RAB22A: variants seen among roughly 807,000 people sequenced by gnomAD.
RAB22A encodes the protein RAB22A, member RAS oncogene family, also known as ras-related protein Rab-22A.
RAB22A carries 13 observed loss-of-function variants against 30.2 expected under a neutral mutation model. The observed-to-expected ratio is 0.43, with a 90% confidence interval of 0.28 to 0.68. The LOEUF (loss-of-function observed/expected upper bound fraction) is 0.68. Ranked by LOEUF, RAB22A falls within the 30% of genes least tolerant of loss-of-function variation. The pLI is 0.18. For missense variants in RAB22A, 177 were observed against 246.8 expected (o/e 0.72, Z 1.89); for synonymous variants, 89 against 87.2 (o/e 1.02, Z -0.11).
chr20:58,359,594 A>G lies in RAB22A; in HGVS notation c.488-12A>G. On this transcript the variant is annotated splice_polypyrimidine_tract_variant and intron_variant, in intron 6 of 6. Coordinates refer to ENST00000244040, the MANE Select transcript of RAB22A (RefSeq NM_020673.3). ...AAAGCTCACTCCCTTCCCTTTTCTCATCTTGGTTTAGGTCGAAGAATTCCA... is the reference window on the plus strand; with the variant it reads ...AAAGCTCACTCCCTTCCCTTTTCTCGTCTTGGTTTAGGTCGAAGAATTCCA... 1 of 1,578,846 alleles carries G rather than the reference A, an allele frequency of 6.3e-7. No individual in the cohort carries two copies. The highest frequency in any genetic ancestry group is 8.7e-7 in the Non-Finnish European group (1 of 1,154,664).
intron 2 of RAB22A, among the ~76,000 whole-genome samples, chr20:58,329,115 G>A (rs1409068693): frequency 7.3e-5 from 11 of 150,332 alleles, no homozygotes; most frequent in Admixed American, 1.3e-4. Flanking sequence ...GTGCAGTGGC[G>A]CTATCTCGGC....
chr20:58,341,911 C>T (rs1364418971), intron 2 of RAB22A, among the ~76,000 whole-genome samples: 1 of 152,118 alleles, frequency 6.6e-6, no homozygotes, highest in African/African-American at 2.4e-5. Context: ...TGTTGGATGC[C>T]TGTTGTCACT....
intron 3 of RAB22A, among the ~76,000 whole-genome samples, chr20:58,346,984 G>C (rs1348591495): frequency 1.3e-5 from 2 of 152,158 alleles, no homozygotes; most frequent in African/African-American, 4.8e-5. Flanking sequence ...ATGCCCATAG[G>C]TTTATGTCTA....
At chr20:58,335,011 A>C (rs1206486832) in intron 2 of RAB22A, among the ~76,000 whole-genome samples, 1 of 152,234 alleles carries the variant, frequency 6.6e-6, no homozygotes, top group Non-Finnish European at 1.5e-5. Context: ...AACTTGAAAC[A>C]ACTTAAATCT....
In RAB22A at chr20:58,363,098, G is replaced by A. The variant is rs1225986550; in HGVS notation, c.*3395G>A. ...AAAATATCCTTTAGCTAACTTTCCT[G>A]TAACTGTCAAACCAAAATGTCAGTA... On this transcript the variant is annotated 3_prime_UTR_variant, in exon 7 of 7. Coordinates refer to ENST00000244040, the MANE Select transcript of RAB22A (RefSeq NM_020673.3). 3 of 152,180 alleles carry A rather than the reference G, an allele frequency of 2.0e-5. No individual in the cohort carries two copies. The highest frequency in any genetic ancestry group is 7.2e-5 in the African/African-American group (3 of 41,432). 9.4% of individuals were successfully genotyped at this position (152,180 alleles called of 1,614,324 possible).
At chr20:58,331,575 G>C (rs542566464) in intron 2 of RAB22A, among the ~76,000 whole-genome samples, 1 of 152,180 alleles carries the variant, frequency 6.6e-6, no homozygotes, top group East Asian at 1.9e-4. Flanking sequence ...CACCATTGTT[G>C]TAGAGTTTGA....
At chr20:58,353,584 T>C in intron 5 of RAB22A, 46 bp downstream of exon 5, 9 of 1,408,248 alleles carry the variant, frequency 6.4e-6, no homozygotes, top group Non-Finnish European at 9.0e-6. Context: ...ATGTGTTCCT[T>C]TTCTTAATAA....
At chr20:58,333,313 C>T (rs6026204) in intron 2 of RAB22A, among the ~76,000 whole-genome samples, 1,068 of 86,740 alleles carry the variant, frequency 0.012, 11 homozygotes, top group South Asian at 0.051. Flanking sequence ...AAATAAATCC[C>T]GCCAGCTAAT....
chr20:58,312,613 C>G (rs859490), intron 2 of RAB22A, among the ~76,000 whole-genome samples: 75,491 of 149,778 alleles, frequency 0.5, 20,087 homozygotes, highest in African/African-American at 0.67. Flanking sequence ...CTCAGCCTCC[C>G]GAGTAGCTGG....
At position 58,359,610 on chromosome 20, in the gene RAB22A, A is replaced by C. The variant is rs1474207978; in HGVS notation, c.492A>C (p.Arg164=). Residue 164 remains arginine (R), a synonymous_variant, in exon 7 of 7, where the codon CGA becomes CGC. Coordinates refer to ENST00000244040, the MANE Select transcript of RAB22A (RefSeq NM_020673.3). ...NINELFIEIS[R]RIPSTDANLP... ...CCTTTTCTCATCTTGGTTTAGGTCG[A>C]AGAATTCCATCCACTGACGCCAACC... The C allele has an allele frequency of 1.9e-6, 3 of 1,606,628 alleles. No individual in the cohort carries two copies. In the South Asian group the frequency reaches 3.3e-5, roughly 18 times the overall value.
At position 58,362,370 on chromosome 20, in the gene RAB22A, T is replaced by C. The variant is rs1568684378; in HGVS notation, c.*2667T>C. 6.6e-6 allele frequency: 1 copy of C among 152,246 alleles called. No homozygotes were observed. The highest frequency in any genetic ancestry group is 1.5e-5 in the Non-Finnish European group (1 of 68,044). The allele number at this position is 152,246 out of a possible 1,614,324, so 9.4% of individuals were successfully genotyped here. A position where few individuals can be genotyped will look rare whatever the true frequency, so the allele number is the denominator to read the frequency against. On this transcript the variant is annotated 3_prime_UTR_variant, in exon 7 of 7. Transcript: ENST00000244040. ...GATCTAATACACATTTCATATTTTC[T>C]TTATAATAATTTCTTATGGAGAAGA...
At position 58,363,732 on chromosome 20, in the gene RAB22A, T is replaced by C; in HGVS notation, c.*4029T>C. On this transcript the variant is annotated 3_prime_UTR_variant, in exon 7 of 7. Transcript: ENST00000244040. ...GAATGTACCTTCAGGGGTCAAGCTG[T>C]TAACTGTATACCTGCCTCTAGTTAG... 6.6e-6 allele frequency: 1 copy of C among 152,258 alleles called. No individual in the cohort carries two copies. The highest frequency in any genetic ancestry group is 1.9e-4 in the East Asian group (1 of 5,206). The allele number at this position is 152,258 out of a possible 1,614,324, so 9.4% of individuals were successfully genotyped here.
chr20:58,312,063 C>G (rs1433774488), intron 2 of RAB22A, among the ~76,000 whole-genome samples: 1 of 152,126 alleles, frequency 6.6e-6, no homozygotes, highest in Non-Finnish European at 1.5e-5. Context: ...TCAAGCGATT[C>G]TCCTGCCTCA....
At position 58,357,550 on chromosome 20, in the gene RAB22A, A is replaced by G. The variant is rs1987151886; in HGVS notation, c.488-2056A>G. Among the ~76,000 whole-genome samples the G allele has an allele frequency of 1.3e-5, 2 of 152,334 alleles. 1 individual carries two copies. The highest frequency in any genetic ancestry group is 4.1e-4 in the South Asian group (2 of 4,828). On this transcript the variant is annotated intron_variant, in intron 6 of 6. Transcript: ENST00000244040. ...AGAAATCATTACCTGTTCCCAGCTC[A>G]TGAAAATATTCTCCTCTTATTTCTT... is the stretch of plus-strand genomic sequence containing the variant.
chr20:58,361,673 G>T lies in RAB22A; in HGVS notation c.*1970G>T, dbSNP rs1987226671. The T allele has an allele frequency of 1.3e-5, 2 of 152,162 alleles. No individual in the cohort carries two copies. Among genetic ancestry groups the T allele is most frequent in the African/African-American group, 4.8e-5 (2 of 41,416 alleles). 9.4% of individuals were successfully genotyped at this position (152,162 alleles called of 1,614,324 possible). ...CTGGTGTGTCCCTAGAATTCCCACTGCTGGGCCTCTATCTCCATGACAACA... is the reference window on the plus strand; with the variant it reads ...CTGGTGTGTCCCTAGAATTCCCACTTCTGGGCCTCTATCTCCATGACAACA... On this transcript the variant is annotated 3_prime_UTR_variant, in exon 7 of 7. Coordinates refer to ENST00000244040, the MANE Select transcript of RAB22A (RefSeq NM_020673.3).
chr20:58,346,973 G>A (rs1986960637), intron 3 of RAB22A, among the ~76,000 whole-genome samples: 1 of 152,172 alleles, frequency 6.6e-6, no homozygotes, highest in South Asian at 2.1e-4. Flanking sequence ...ACATGGTATT[G>A]ATGCCCATAG....
intron 6 of RAB22A, among the ~76,000 whole-genome samples, chr20:58,358,914 GT>G (rs1231210799): frequency 6.6e-5 from 10 of 151,582 alleles, no homozygotes; most frequent in Admixed American, 5.2e-4. Context: ...AAAAAAAAAG[GT>G]GACGGCTCTT....
intron 2 of RAB22A, among the ~76,000 whole-genome samples, chr20:58,312,836 G>A (rs1017361215): frequency 6.6e-6 from 1 of 152,056 alleles, no homozygotes; most frequent in Non-Finnish European, 1.5e-5. Context: ...ACATTTGAAG[G>A]CATGGGGATG....
chr20:58,326,613 T>C (rs929071698), intron 2 of RAB22A, among the ~76,000 whole-genome samples: 2 of 152,218 alleles, frequency 1.3e-5, no homozygotes, highest in Non-Finnish European at 2.9e-5. Flanking sequence ...ATTATGAATA[T>C]ACATGCTATG....
Sources: allele counts gnomAD v4.1 joint callset (sites outside exome capture counted in the v4.1 genomes callset), GRCh38; gene constraint gnomAD v4.1.1; transcripts MANE v1.5; gene names NCBI Gene and HGNC (gene_info 2026-07-23, HGNC 2026-07-21).